The following DSE variants were observed in gnomAD, a reference collection of about 807,000 sequenced individuals.
The protein encoded by DSE is dermatan-sulfate epimerase.
DSE carries 36 observed loss-of-function variants against 84.4 expected under a neutral mutation model. The observed-to-expected ratio is 0.43, with a 90% CI of 0.33 to 0.56. The LOEUF (loss-of-function observed/expected upper bound fraction) is 0.56, where lower values mean the gene tolerates loss of function less well. Ranked by LOEUF, DSE falls within the 20% of genes least tolerant of loss-of-function variation. The pLI is 0.06. For synonymous variants in DSE, 410 were observed against 430.1 expected (o/e 0.95, Z 0.58); for missense variants, 862 against 1,169.6 (o/e 0.74, Z 3.84).
rs1266080968 is a variant in DSE at position 116,267,442 on chromosome 6, TG to T, written c.-54+8476del. Among the ~76,000 whole-genome samples, 364 of 148,840 alleles carry T rather than the reference TG, an allele frequency of 2.4e-3. 2 individuals carry two copies. The highest frequency in any genetic ancestry group is 8.4e-3 in the African/African-American group (345 of 40,846). On this transcript the variant is annotated intron_variant, in intron 2 of 3. Transcript: ENST00000430252. ...TTTTTAACAAAAAAGTTTAAAAAGT[TG>T]AAAAAAAAGAAAAAATATTAGAAAA... is the stretch of plus-strand genomic sequence containing the variant.
chr6:116,437,583 C>CA lies in DSE; in HGVS notation c.*238_*239insA. 2.2e-6 allele frequency: 1 copy of CA among 445,730 alleles called. No homozygotes were observed. The highest frequency in any genetic ancestry group is 3.9e-5 in the East Asian group (1 of 25,390). 27.6% of individuals were successfully genotyped at this position (445,730 alleles called of 1,614,324 possible). A position where few individuals can be genotyped will look rare whatever the true frequency, so the allele number is the denominator to read the frequency against. On this transcript the variant is annotated 3_prime_UTR_variant, in exon 6 of 6. Transcript: ENST00000644252. ...GTGTTTTTGGAAGTATTTGGCATTG[C>CA]TAATTGAGCAGTCCATATAGTACTA...
intron 1 of DSE, chr6:116,255,634 G>A (rs952979340): frequency 1.3e-5 from 2 of 152,106 alleles, no homozygotes; most frequent in Non-Finnish European, 1.5e-5. Flanking sequence ...TTGAGGTATC[G>A]TCTTTGTAAA....
intron 2 of DSE, among the ~76,000 whole-genome samples, chr6:116,340,719 T>A (rs993500257): frequency 5.9e-5 from 9 of 152,018 alleles, no homozygotes; most frequent in Non-Finnish European, 1.3e-4. Context: ...ATTCCCACCT[T>A]TGAGTGAGAA....
At chr6:116,426,267 A>G (rs1312469570) in intron 2 of DSE, among the ~76,000 whole-genome samples, 3 of 152,200 alleles carry the variant, frequency 2.0e-5, no homozygotes, top group African/African-American at 7.2e-5. Flanking sequence ...CTGCCAACAC[A>G]TGTTCTATGC....
At chr6:116,278,881 G>A in intron 2 of DSE, 1 of 1,614,146 alleles carries the variant, frequency 6.2e-7, no homozygotes, top group Non-Finnish European at 8.5e-7. Flanking sequence ...CTTGCAACCG[G>A]TTCTAGGGTG....
intron 2 of DSE, among the ~76,000 whole-genome samples, chr6:116,282,282 AATC>A (rs1332537369): frequency 6.6e-6 from 1 of 152,230 alleles, no homozygotes; most frequent in East Asian, 1.9e-4. Context: ...ATTGCCATGA[AATC>A]ATCTTCTATT....
chr6:116,300,387 A>G (rs187962638), intron 2 of DSE, among the ~76,000 whole-genome samples: 25 of 152,358 alleles, frequency 1.6e-4, no homozygotes, highest in African/African-American at 6.0e-4. Flanking sequence ...ATGAAAGAAG[A>G]AAAGCCTCGC....
intron 1 of DSE, among the ~76,000 whole-genome samples, chr6:116,385,597 A>T (rs1780532334): frequency 6.6e-6 from 1 of 152,144 alleles, no homozygotes; most frequent in African/African-American, 2.4e-5. Context: ...GGGAAGTCTA[A>T]GAAGGCAGTG....
At chr6:116,320,934 C>G (rs1406350226) in intron 2 of DSE, among the ~76,000 whole-genome samples, 2 of 152,134 alleles carry the variant, frequency 1.3e-5, no homozygotes, top group South Asian at 4.2e-4. Flanking sequence ...GAGCTCCTAA[C>G]AGAAGGCAAA....
At chr6:116,277,754 T>C (rs1428457578) in intron 2 of DSE, 2 of 151,770 alleles carry the variant, frequency 1.3e-5, no homozygotes, top group East Asian at 1.9e-4. Flanking sequence ...ATATAAAAAT[T>C]AGCCGGGCGT....
intron 1 of DSE, among the ~76,000 whole-genome samples, chr6:116,371,879 T>G (rs576540597): frequency 6.6e-6 from 1 of 152,342 alleles, no homozygotes; most frequent in South Asian, 2.1e-4. Flanking sequence ...ATATCGCTCC[T>G]TTAAAGCAGC....
At chr6:116,406,283 T>C (rs564260575) in intron 2 of DSE, among the ~76,000 whole-genome samples, 20 of 152,294 alleles carry the variant, frequency 1.3e-4, no homozygotes, top group African/African-American at 4.3e-4. Flanking sequence ...CCCTCTTTAA[T>C]TGGGGTATAA....
At chr6:116,314,716 A>C (rs1775869928) in intron 2 of DSE, among the ~76,000 whole-genome samples, 1 of 152,172 alleles carries the variant, frequency 6.6e-6, no homozygotes, top group African/African-American at 2.4e-5. Context: ...TTTATTTTAT[A>C]GTTTCTTTTA....
chr6:116,417,614 A>G (rs76636689), intron 2 of DSE, among the ~76,000 whole-genome samples: 1,723 of 152,260 alleles, frequency 0.011, 42 homozygotes, highest in African/African-American at 0.038. Flanking sequence ...ATGTACTGCT[A>G]TATTAAATCC....
rs149009885 is a variant in DSE at position 116,336,026 on chromosome 6, C to T, written c.-53-63172C>T. Among the ~76,000 whole-genome samples the T allele has an allele frequency of 2.6e-3, 395 of 152,318 alleles. 4 individuals carry two copies. Among genetic ancestry groups the T allele is most frequent in the African/African-American group, 9.2e-3 (384 of 41,560 alleles). ...AACAATGGATTCCCATAAACTGTAA[C>T]AGCACTTAGTCATAAACATCTCTTT... On this transcript the variant is annotated intron_variant, in intron 2 of 3. Transcript: ENST00000430252.
intron 2 of DSE, among the ~76,000 whole-genome samples, chr6:116,327,002 A>G (rs576570139): frequency 1.6e-4 from 24 of 152,294 alleles, no homozygotes; most frequent in African/African-American, 5.8e-4. Context: ...TGTTGGGGTC[A>G]TTTGTATGAT....
chr6:116,384,584 T>C (rs1303897199), intron 1 of DSE, among the ~76,000 whole-genome samples: 2 of 152,160 alleles, frequency 1.3e-5, no homozygotes, highest in East Asian at 3.8e-4. Context: ...GTTCAAACAT[T>C]GTAGTACATT....
intron 2 of DSE, among the ~76,000 whole-genome samples, chr6:116,417,520 G>C (rs1391846524): frequency 7.2e-5 from 11 of 151,868 alleles, no homozygotes; most frequent in African/African-American, 2.7e-4. Flanking sequence ...CTTGAGTGGG[G>C]CCAAGTTGAC....
chr6:116,279,097 T>G (rs759753191), intron 2 of DSE: 3 of 1,613,876 alleles, frequency 1.9e-6, no homozygotes, highest in Non-Finnish European at 2.5e-6. Context: ...CCTGTCGGCC[T>G]GAGCATTCAC....
Sources: allele counts gnomAD v4.1 joint callset (sites outside exome capture counted in the v4.1 genomes callset), GRCh38; gene constraint gnomAD v4.1.1; transcripts MANE v1.5; gene names NCBI Gene and HGNC (gene_info 2026-07-23, HGNC 2026-07-21).